HTT: variants seen among roughly 807,000 people sequenced by gnomAD.
HTT encodes huntington disease protein.
Under a neutral mutation model 362.3 loss-of-function variants are expected in HTT, and 104 were observed. The observed-to-expected ratio is 0.29, with a 90% confidence interval of 0.24 to 0.34. HTT has a LOEUF of 0.34. HTT is among the 10% of genes least tolerant of loss of function. The pLI is 1.00. For missense variants in HTT, 3,301 were observed against 3,928.6 expected (o/e 0.84, Z 4.27); for synonymous variants, 1,577 against 1,548.7 (o/e 1.02, Z -0.43).
At chr4:3,223,661 C>A in intron 55 of HTT, 101 bp downstream of exon 55, 3 of 1,114,132 alleles carry the variant, frequency 2.7e-6, no homozygotes, top group Non-Finnish European at 3.9e-6. Flanking sequence ...CGTTTTCCTT[C>A]ATTGCTAGAA....
rs977973605 is a variant in HTT at position 3,130,031 on chromosome 4, C to T, written c.1851C>T (p.Phe617=). 4.3e-6 allele frequency: 7 copies of T among 1,611,118 alleles called. No individual in the cohort carries two copies. The highest frequency in any genetic ancestry group is 5.9e-6 in the Non-Finnish European group (7 of 1,178,548). The change falls in exon 13 of 67, where the codon TTC becomes TTT. Residue 617 remains phenylalanine, a synonymous_variant. Transcript: ENST00000355072. ...TTCCTGATGAAGCCTCGGAGGCCTT[C>T]AGGAACTCTTCCATGGGTATGTGGA... is the stretch of plus-strand genomic sequence containing the variant. ...GILPDEASEA[F]RNSSMALQQA...
chr4:3,200,202 C>T (rs1445730686), intron 41 of HTT, among the ~76,000 whole-genome samples: 1 of 152,190 alleles, frequency 6.6e-6, no homozygotes, highest in Non-Finnish European at 1.5e-5. Context: ...ACCATTGCAT[C>T]TTGTGGGATA....
At position 3,075,072 on chromosome 4, in the gene HTT, G is replaced by A; in HGVS notation, c.247G>A (p.Glu83Lys). Residue 83 changes from glutamate to lysine, a missense_variant, in exon 1 of 67, where the codon GAG becomes AAG. Around this residue, in one of 4 missense-constraint regions of HTT, gnomAD observed 2,316 missense variants for 2,658.5 expected, o/e 0.87. Transcript: ENST00000355072. ...PPPPGPAVAE[E>K]PLHRPKKELS... ...GCCACCCGGCCCGGCTGTGGCTGAG[G>A]AGCCGCTGCACCGACCGTGAGTTTG... 1 of 1,247,714 alleles carries A rather than the reference G, an allele frequency of 8.0e-7. No individual in the cohort carries two copies. Among genetic ancestry groups the A allele is most frequent in the Non-Finnish European group, 1.0e-6 (1 of 1,002,304 alleles). The allele number at this position is 1,247,714 out of a possible 1,614,324, so 77.3% of individuals were successfully genotyped here.
In HTT at chr4:3,075,037, C is replaced by T; in HGVS notation, c.212C>T (p.Pro71Leu). 2.4e-6 allele frequency: 3 copies of T among 1,249,850 alleles called. No homozygotes were observed. The highest frequency in any genetic ancestry group is 6.4e-5 in the East Asian group (2 of 31,202). 77.4% of individuals were successfully genotyped at this position (1,249,850 alleles called of 1,614,324 possible). A position where few individuals can be genotyped will look rare whatever the true frequency, so the allele number is the denominator to read the frequency against. The change falls in exon 1 of 67, where the codon CCG becomes CTG. Residue 71 changes from proline (P) to leucine (L), a missense_variant. Transcript: ENST00000355072. Reference sequence around the variant, plus strand: ...CCTCAGCCGCAGCCGCCCCCGCCGCCGCCCCCGCCGCCACCCGGCCCGGCT... The same window carrying T: ...CCTCAGCCGCAGCCGCCCCCGCCGCTGCCCCCGCCGCCACCCGGCCCGGCT... ...LLPQPQPPPP[P>L]PPPPPGPAVA... is the part of the protein sequence containing the mutation.
intron 8 of HTT, among the ~76,000 whole-genome samples, chr4:3,116,629 C>T (rs1715042175): frequency 6.6e-6 from 1 of 152,214 alleles, no homozygotes; most frequent in South Asian, 2.1e-4. Flanking sequence ...GTGAGTATTT[C>T]AGCTGCAGCT....
intron 1 of HTT, among the ~76,000 whole-genome samples, chr4:3,081,392 A>G (rs1028466546): frequency 1.3e-5 from 2 of 152,198 alleles, no homozygotes; most frequent in Non-Finnish European, 2.9e-5. Flanking sequence ...TGAATTTCAT[A>G]TAATTTTCAC....
rs1427536253 is a variant in HTT at position 3,168,907 on chromosome 4, TG to T, written c.3865-3412del. 4.6e-5 allele frequency among the ~76,000 whole-genome samples: 7 copies of T among 152,164 alleles called. No individual in the cohort carries two copies. The East Asian group carries it at 1.2e-3, about 25-fold the overall frequency. On this transcript the variant is annotated intron_variant, in intron 29 of 66. Coordinates refer to ENST00000355072, the MANE Select transcript of HTT (RefSeq NM_001388492.1). ...GTGATTTGATAATGATATGCCCTGA[TG>T]TAGTTTTTTTATATCTTGTGTTTCT...
At chr4:3,100,170 T>C (rs918411019) in intron 3 of HTT, among the ~76,000 whole-genome samples, 1 of 152,220 alleles carries the variant, frequency 6.6e-6, no homozygotes, top group African/African-American at 2.4e-5. Flanking sequence ...TCAGTTTTCT[T>C]AACCATAAAA....
intron 55 of HTT, 102 bp downstream of exon 55, chr4:3,223,662 A>G (rs82333): frequency 0.43 from 467,463 of 1,079,630 alleles, 102,804 homozygotes; most frequent in African/African-American, 0.56. Context: ...GTTTTCCTTC[A>G]TTGCTAGAAT....
At chr4:3,189,891 A>C (rs1339477678) in intron 40 of HTT, among the ~76,000 whole-genome samples, 2 of 152,132 alleles carry the variant, frequency 1.3e-5, no homozygotes, top group South Asian at 2.1e-4. Context: ...AGTGGTGTGC[A>C]TGTGGTCCCA....
chr4:3,125,938 G>A (rs1486976881), intron 11 of HTT, among the ~76,000 whole-genome samples: 1 of 152,224 alleles, frequency 6.6e-6, no homozygotes, highest in African/African-American at 2.4e-5. Flanking sequence ...AGTTGGATGG[G>A]TTATGCTGGG....
At chr4:3,077,093 G>A (rs932732084) in intron 1 of HTT, among the ~76,000 whole-genome samples, 20 of 151,996 alleles carry the variant, frequency 1.3e-4, no homozygotes, top group South Asian at 2.1e-4. Flanking sequence ...CAGGAAAATC[G>A]CTTGAACCCG....
intron 21 of HTT, 113 bp from the exon 22 acceptor site, chr4:3,140,397 G>T: frequency 1.2e-6 from 1 of 807,168 alleles, no homozygotes; most frequent in Non-Finnish European, 2.0e-6. Flanking sequence ...GCGAGAAGTG[G>T]TGTCCGCTGG....
intron 9 of HTT, 60 bp downstream of exon 9, chr4:3,121,492 T>C: frequency 8.6e-7 from 1 of 1,162,498 alleles, no homozygotes; most frequent in African/African-American, 1.5e-5. Context: ...AGTTACACTC[T>C]ATTGATTATG....
intron 39 of HTT, chr4:3,188,642 C>T (rs924090965): frequency 9.2e-6 from 2 of 217,958 alleles, no homozygotes; most frequent in African/African-American, 4.7e-5. Context: ...CGCATTGAAG[C>T]AGCTGGCTAA....
Position 3,134,437 on chromosome 4 carries a change from G to T in HTT, c.2530G>T (p.Glu844Ter). Residue 844 changes from glutamate (E) to a stop codon, truncating the protein, a stop_gained, in exon 19 of 67, where the codon GAG (glutamate) becomes TAG (stop). Transcript: ENST00000355072. LOFTEE classifies it high-confidence loss of function. ...VMSLCSSSYS[E>*]LGLQLIIDVL... ...GAGTCTCTGCAGCAGCAGCTACAGT[G>T]AGTTAGGACTGCAGCTGATCATCGA... 6.2e-7 allele frequency: 1 copy of T among 1,613,998 alleles called. No individual in the cohort carries two copies. The highest frequency in any genetic ancestry group is 8.5e-7 in the Non-Finnish European group (1 of 1,179,864).
chr4:3,196,418 T>C (rs1205046417), intron 40 of HTT, among the ~76,000 whole-genome samples: 1 of 152,160 alleles, frequency 6.6e-6, no homozygotes, highest in Admixed American at 6.5e-5. Flanking sequence ...TGGAATTGAA[T>C]TTTGCCTTTG....
chr4:3,169,689 T>C (rs1273307140), intron 29 of HTT, among the ~76,000 whole-genome samples: 2 of 152,128 alleles, frequency 1.3e-5, no homozygotes, highest in African/African-American at 2.4e-5. Context: ...TTCTTCTGCC[T>C]CAGCCTCCCG....
intron 37 of HTT, among the ~76,000 whole-genome samples, chr4:3,184,288 G>C (rs1337396885): frequency 1.3e-5 from 2 of 152,030 alleles, no homozygotes; most frequent in African/African-American, 4.8e-5. Context: ...ATGCTGTTAG[G>C]GTACAAGCAA....
Sources: allele counts gnomAD v4.1 joint callset (sites outside exome capture counted in the v4.1 genomes callset), GRCh38; gene constraint gnomAD v4.1.1; regional missense constraint gnomAD v4.1.1; transcripts MANE v1.5; gene names NCBI Gene and HGNC (gene_info 2026-07-23, HGNC 2026-07-21).